POC1B: variants seen among roughly 807,000 people sequenced by gnomAD.
The protein encoded by POC1B is POC1 centriolar protein B, also known as POC1 centriolar protein homolog B.
In POC1B, 44 loss-of-function variants were observed where a neutral mutation model predicts 60.6. The observed-to-expected ratio is 0.73, with a 90% CI of 0.57 to 0.93. POC1B has a LOEUF of 0.93. Among genes scored for constraint, POC1B ranks in the 40% least tolerant of loss-of-function variants. POC1B has a pLI of 0.00. For missense variants in POC1B, 555 were observed against 572.3 expected (o/e 0.97, Z 0.31); for synonymous variants, 180 against 198.9 (o/e 0.90, Z 0.80).
At chr12:89,423,735 T>C (rs1215508113) in intron 11 of POC1B, among the ~76,000 whole-genome samples, 1 of 152,168 alleles carries the variant, frequency 6.6e-6, no homozygotes, top group Non-Finnish European at 1.5e-5. Context: ...CTTTTTAATA[T>C]GTAAAATGAA....
intron 10 of POC1B, among the ~76,000 whole-genome samples, chr12:89,454,746 C>T (rs1882184388): frequency 6.6e-6 from 1 of 152,194 alleles, no homozygotes. Context: ...TTTGCATTCC[C>T]TGTACTATAT....
chr12:89,523,905 G>A, intron 2 of POC1B: 1 of 1,592,514 alleles, frequency 6.3e-7, no homozygotes, highest in South Asian at 1.1e-5. Flanking sequence ...TGGCGAAAGT[G>A]GCCCCAATCA....
At chr12:89,481,436 C>T (rs527631736) in intron 4 of POC1B, among the ~76,000 whole-genome samples, 1 of 152,236 alleles carries the variant, frequency 6.6e-6, no homozygotes, top group South Asian at 2.1e-4. Flanking sequence ...GAGATAAGCA[C>T]AAAATCTGTC....
In POC1B at chr12:89,421,055, GT is replaced by G; in HGVS notation, c.*97del. 1.1e-6 allele frequency: 1 copy of G among 877,176 alleles called. No individual in the cohort carries two copies. Among genetic ancestry groups the G allele is most frequent in the South Asian group, 2.0e-5 (1 of 50,364 alleles). The allele number at this position is 877,176 out of a possible 1,614,324, so 54.3% of individuals were successfully genotyped here. On this transcript the variant is annotated 3_prime_UTR_variant, in exon 12 of 12. Transcript: ENST00000313546. ...GAAATGCCATGATAAATAGCACATG[GT>G]TGTGTTGTATGGAGTATCTTGTACT...
intron 9 of POC1B, 122 bp from the exon 10 acceptor site, chr12:89,459,840 A>G (rs754112055): frequency 1.8e-6 from 1 of 551,676 alleles, no homozygotes; most frequent in Non-Finnish European, 3.1e-6. Flanking sequence ...TGGTATATTC[A>G]TTACTATGGA....
chr12:89,443,276 C>T (rs1033749037), intron 10 of POC1B, among the ~76,000 whole-genome samples: 2 of 152,206 alleles, frequency 1.3e-5, no homozygotes, highest in African/African-American at 4.8e-5. Context: ...ATAGAACTCT[C>T]CACCCCAAAT....
chr12:89,514,703 C>T (rs10777180), intron 2 of POC1B, among the ~76,000 whole-genome samples: 109,016 of 151,964 alleles, frequency 0.72, 39,223 homozygotes, highest in Middle Eastern at 0.82. Flanking sequence ...CCACTGCGCC[C>T]GGCCTCAGGT....
At chr12:89,430,450 A>G (rs1216198627) in intron 10 of POC1B, among the ~76,000 whole-genome samples, 1 of 152,202 alleles carries the variant, frequency 6.6e-6, no homozygotes, top group Non-Finnish European at 1.5e-5. Flanking sequence ...ATTCAACAAC[A>G]TAACCATGGT....
chr12:89,520,936 G>T (rs923977150), intron 2 of POC1B: 1 of 151,912 alleles, frequency 6.6e-6, no homozygotes, highest in Non-Finnish European at 1.5e-5. Flanking sequence ...GAGTAATTTA[G>T]TTTGGAAATA....
intron 9 of POC1B, chr12:89,459,930 C>A: frequency 4.1e-6 from 2 of 490,150 alleles, no homozygotes; most frequent in African/African-American, 2.0e-5. Flanking sequence ...AGGTTGAATT[C>A]ACCCCAGAAA....
At chr12:89,435,285 AT>A (rs1376501218) in intron 10 of POC1B, among the ~76,000 whole-genome samples, 3 of 151,404 alleles carry the variant, frequency 2.0e-5, no homozygotes, top group Non-Finnish European at 4.4e-5. Flanking sequence ...GGTTCAAGAA[AT>A]TCTCTTGTCT....
At chr12:89,412,357 C>CTTTTTTTTTT in the POC1B span, among the ~76,000 whole-genome samples, 1 of 138,068 alleles carries the variant, frequency 7.2e-6, no homozygotes, top group African/African-American at 2.6e-5. Flanking sequence ...TTTCTTTTTT[C>CTTTTTTTTTT]TTTTTTTTTT....
At chr12:89,475,910 C>CTTTTTTTTTTT (rs972058107) in intron 4 of POC1B, among the ~76,000 whole-genome samples, 1 of 86,140 alleles carries the variant, frequency 1.2e-5, no homozygotes, top group East Asian at 3.8e-4. Context: ...TGAGGGAATT[C>CTTTTTTTTTTT]TTTTTTTTTT....
intron 10 of POC1B, among the ~76,000 whole-genome samples, chr12:89,442,045 A>G (rs1347593001): frequency 6.6e-6 from 1 of 152,232 alleles, no homozygotes; most frequent in Non-Finnish European, 1.5e-5. Flanking sequence ...TGAAGCGAGA[A>G]GTTTAGAGAA....
chr12:89,437,178 A>T (rs1213433407), intron 10 of POC1B, among the ~76,000 whole-genome samples: 2 of 152,060 alleles, frequency 1.3e-5, no homozygotes, highest in Non-Finnish European at 2.9e-5. Flanking sequence ...CTAATCCTCC[A>T]TGCCTCTAGT....
chr12:89,423,377 A>G (rs1880624742), intron 11 of POC1B, among the ~76,000 whole-genome samples: 1 of 152,172 alleles, frequency 6.6e-6, no homozygotes, highest in African/African-American at 2.4e-5. Flanking sequence ...GGCTCAAGCA[A>G]TCCTTCTGCC....
chr12:89,465,099 G>A (rs1372940915), intron 9 of POC1B, among the ~76,000 whole-genome samples: 17 of 152,108 alleles, frequency 1.1e-4, no homozygotes, highest in Non-Finnish European at 1.5e-4. Flanking sequence ...ATTTTTAGGG[G>A]TATACGTGAA....
At chr12:89,500,062 G>C in intron 2 of POC1B, 1 of 1,276,102 alleles carries the variant, frequency 7.8e-7, no homozygotes, top group Non-Finnish European at 1.1e-6. Flanking sequence ...TTCCACCTCA[G>C]ACACCTGCGC....
intron 2 of POC1B, chr12:89,519,750 T>C (rs1321994167): frequency 6.6e-6 from 1 of 152,538 alleles, no homozygotes; most frequent in Non-Finnish European, 1.5e-5. Context: ...AGTAAACAAA[T>C]TTTCTTTTAC....
Sources: allele counts gnomAD v4.1 joint callset (sites outside exome capture counted in the v4.1 genomes callset), GRCh38; gene constraint gnomAD v4.1.1; transcripts MANE v1.5; gene names NCBI Gene and HGNC (gene_info 2026-07-23, HGNC 2026-07-21).